Variants in ICA1 observed in about 807,000 individuals in gnomAD.
The protein encoded by ICA1 is islet cell autoantigen 1, also known as 69 kDa islet cell autoantigen.
In ICA1, 40 loss-of-function variants were observed where a neutral mutation model predicts 71.0. The observed-to-expected ratio is 0.56, with a 90% CI of 0.44 to 0.73. The LOEUF (loss-of-function observed/expected upper bound fraction) is 0.73, where lower values mean the gene tolerates loss of function less well. Among genes scored for constraint, ICA1 ranks in the 30% least tolerant of loss-of-function variants. ICA1 has a pLI of 0.00. For synonymous variants in ICA1, 207 were observed against 209.5 expected, an observed-to-expected ratio of 0.99 and a Z score of 0.10; for missense variants, 578 against 576.5, an observed-to-expected ratio of 1.00 and a Z score of -0.03.
At chr7:8,128,762 A>G (rs796084104) in intron 12 of ICA1, among the ~76,000 whole-genome samples, 9 of 152,346 alleles carry the variant, frequency 5.9e-5, no homozygotes, top group African/African-American at 2.2e-4. Flanking sequence ...TTTTGCAGCA[A>G]TAAAATAAAA....
chr7:8,203,971 CA>C (rs1365872163), intron 6 of ICA1, among the ~76,000 whole-genome samples: 5 of 149,444 alleles, frequency 3.3e-5, no homozygotes, highest in African/African-American at 1.2e-4. Context: ...CATTTCACCT[CA>C]AAAAACGACT....
At position 8,232,712 on chromosome 7, in the gene ICA1, A is replaced by T. The variant is rs539948818; in HGVS notation, c.61T>A (p.Ser21Thr). 3.1e-6 allele frequency: 5 copies of T among 1,611,716 alleles called. No homozygotes were observed. The East Asian group carries it at 1.1e-4, about 36-fold the overall frequency. Residue 21 changes from serine to threonine, a missense_variant, in exon 3 of 14, where the codon TCA becomes ACA. Physicochemically the swap from Ser to Thr is moderately conservative, Grantham distance 58. Transcript: ENST00000402384. ...TTCTGTTGCATCTTATTTACAACTG[A>T]CTTATCTTGAGCATATCGATCCTGT... ...DLQDRYAQDK[S>T]VVNKMQQKYW... is the part of the protein sequence containing the mutation.
intron 1 of ICA1, among the ~76,000 whole-genome samples, chr7:8,251,308 C>A (rs116627486): frequency 6.6e-6 from 1 of 151,544 alleles, no homozygotes. Context: ...AATCACATTC[C>A]TAAAGTATGT....
intron 12 of ICA1, among the ~76,000 whole-genome samples, chr7:8,133,061 C>A (rs1284760415): frequency 2.0e-5 from 3 of 152,192 alleles, no homozygotes; most frequent in African/African-American, 4.8e-5. Context: ...TCTGCCCTCA[C>A]AAATGGGTTA....
At chr7:8,188,417 A>G (rs1373247116) in intron 6 of ICA1, among the ~76,000 whole-genome samples, 1 of 152,328 alleles carries the variant, frequency 6.6e-6, no homozygotes, top group South Asian at 2.1e-4. Flanking sequence ...TTCCTTGCCC[A>G]GGAACCTTCA....
chr7:8,127,232 T>C (rs1789582509), intron 13 of ICA1, among the ~76,000 whole-genome samples: 2 of 151,660 alleles, frequency 1.3e-5, no homozygotes, highest in Admixed American at 1.3e-4. Flanking sequence ...CCTCAAGTGA[T>C]CCTCTCACCT....
intron 6 of ICA1, among the ~76,000 whole-genome samples, chr7:8,176,375 T>G (rs1185549202): frequency 1.3e-5 from 2 of 152,242 alleles, no homozygotes; most frequent in South Asian, 2.1e-4. Flanking sequence ...TCTGAGAACC[T>G]TTTCCTGTAA....
Position 8,144,592 on chromosome 7 carries a change from C to T in ICA1, c.805-620G>A, listed in dbSNP as rs1300995825. Among the ~76,000 whole-genome samples, 1 of 151,878 alleles carries T rather than the reference C, an allele frequency of 6.6e-6. No homozygotes were observed. The highest frequency in any genetic ancestry group is 2.4e-5 in the African/African-American group (1 of 41,342). On this transcript the variant is annotated intron_variant, in intron 8 of 13. Transcript: ENST00000402384. The surrounding 1 kb of genome is among the most constrained non-coding windows in gnomAD (Gnocchi z 4.5). The stretch of plus-strand genomic sequence containing the variant: ...AATGGGTGAGAGTCTTCTTTTGGCA[C>T]ATCATTTGTTGGAGTTACTATTTTC...
At chr7:8,193,871 G>C (rs1398454267) in intron 6 of ICA1, among the ~76,000 whole-genome samples, 1 of 152,182 alleles carries the variant, frequency 6.6e-6, no homozygotes, top group Non-Finnish European at 1.5e-5. Context: ...ATGTGGAACA[G>C]AGATATTCTA....
At chr7:8,228,201 C>A (rs1035314232) in intron 4 of ICA1, among the ~76,000 whole-genome samples, 8 of 151,998 alleles carry the variant, frequency 5.3e-5, no homozygotes, top group Admixed American at 3.3e-4. Context: ...GAAATGTTGT[C>A]AACAAAATGT....
chr7:8,170,664 T>C (rs1807982843), intron 6 of ICA1, among the ~76,000 whole-genome samples: 1 of 152,034 alleles, frequency 6.6e-6, no homozygotes, highest in Non-Finnish European at 1.5e-5. Context: ...TCAGCTTGTA[T>C]ACTGTGACCT....
At chr7:8,215,987 C>T (rs907462111) in intron 6 of ICA1, among the ~76,000 whole-genome samples, 9 of 152,242 alleles carry the variant, frequency 5.9e-5, no homozygotes, top group African/African-American at 1.9e-4. Flanking sequence ...AGTTAAATGT[C>T]ATGTTGTAAA....
intron 1 of ICA1, among the ~76,000 whole-genome samples, chr7:8,240,247 G>A (rs1803322700): frequency 1.3e-5 from 1 of 77,548 alleles, no homozygotes; most frequent in Admixed American, 1.2e-4. Context: ...CTATTCTGCA[G>A]CCTCTGCTGG....
chr7:8,234,040 T>C lies in ICA1; in HGVS notation c.18-1285A>G, dbSNP rs988314953. 3.3e-5 allele frequency among the ~76,000 whole-genome samples: 5 copies of C among 151,964 alleles called. No homozygotes were observed. The highest frequency in any genetic ancestry group is 4.8e-5 in the African/African-American group (2 of 41,360). ...GAGTTTCAGATCAGCCTGGGCAACA[T>C]AGTAAAACCCCATCTCTACAAATAA... On this transcript the variant is annotated intron_variant, in intron 2 of 13. Coordinates refer to ENST00000402384, the MANE Select transcript of ICA1 (RefSeq NM_001136020.3). This position sits in a 1 kb window ranked among gnomAD's most constrained non-coding sequence, Gnocchi z 4.5.
intron 1 of ICA1, among the ~76,000 whole-genome samples, chr7:8,237,813 AAGAC>A (rs1048641294): frequency 3.6e-5 from 5 of 138,384 alleles, no homozygotes; most frequent in African/African-American, 1.2e-4. Flanking sequence ...TGCAATGTTG[AAGAC>A]AGACACACAC....
intron 6 of ICA1, among the ~76,000 whole-genome samples, chr7:8,169,901 A>AGTGTGTGTGTGT (rs58794085): frequency 0.1 from 14,798 of 146,944 alleles, 785 homozygotes; most frequent in Admixed American, 0.15. Flanking sequence ...TTAATGCCTG[A>AGTGTGTGTGTGT]GTGTGTGTGT....
chr7:8,113,836 A>T lies in ICA1; in HGVS notation c.*87T>A, dbSNP rs1783891827. ...ATTAAAATGGCACATAATTATTAAA[A>T]CAGCATACTGATCACTTTATACTTC... is the stretch of plus-strand genomic sequence containing the variant. On this transcript the variant is annotated 3_prime_UTR_variant, in exon 14 of 14. Transcript: ENST00000402384. The surrounding 1 kb of genome is among the most constrained non-coding windows in gnomAD (Gnocchi z 4.2). 7.1e-7 allele frequency: 1 copy of T among 1,399,162 alleles called. No individual in the cohort carries two copies. Among genetic ancestry groups the T allele is most frequent in the African/African-American group, 1.4e-5 (1 of 70,568 alleles). 86.7% of individuals were successfully genotyped at this position (1,399,162 alleles called of 1,614,324 possible).
intron 8 of ICA1, chr7:8,156,762 C>A: frequency 7.2e-7 from 1 of 1,392,114 alleles, no homozygotes; most frequent in Non-Finnish European, 9.5e-7. Flanking sequence ...GGGACTTGTA[C>A]AATCTCCCCT....
At chr7:8,240,999 T>C (rs1051655437) in intron 1 of ICA1, among the ~76,000 whole-genome samples, 2 of 152,168 alleles carry the variant, frequency 1.3e-5, no homozygotes, top group Admixed American at 6.5e-5. Context: ...CTTCAGGATA[T>C]TATCCAGGAG....
Sources: allele counts gnomAD v4.1 joint callset (sites outside exome capture counted in the v4.1 genomes callset), GRCh38; gene constraint gnomAD v4.1.1; non-coding constraint Gnocchi (gnomAD v3.1); transcripts MANE v1.5; gene names NCBI Gene and HGNC (gene_info 2026-07-23, HGNC 2026-07-21).